Variants in SAMD3 observed in about 807,000 individuals in gnomAD.
SAMD3 encodes the protein sterile alpha motif domain-containing protein 3.
In SAMD3, 63 loss-of-function variants were observed where a neutral mutation model predicts 58.5. That is an observed-to-expected ratio of 1.08 (90% CI 0.88 to 1.33). The LOEUF (loss-of-function observed/expected upper bound fraction) is 1.33, where lower values mean the gene tolerates loss of function less well. Ranked by LOEUF, SAMD3 falls within the 40% of genes most tolerant of loss-of-function variation. The pLI, the probability that SAMD3 is intolerant of heterozygous loss-of-function variation, is 0.00. For missense variants in SAMD3, 604 were observed against 608.4 expected, an observed-to-expected ratio of 0.99 and a Z score of 0.08; for synonymous variants, 220 against 210.3, an observed-to-expected ratio of 1.05 and a Z score of -0.40.
chr6:130,164,656 T>C (rs1452509361), intron 8 of SAMD3, among the ~76,000 whole-genome samples: 1 of 151,996 alleles, frequency 6.6e-6, no homozygotes, highest in Non-Finnish European at 1.5e-5. Flanking sequence ...ATCACACATA[T>C]GACATGCCCA....
At chr6:130,226,446 C>T (rs11968925), upstream of SAMD3, among the ~76,000 whole-genome samples, 1 of 152,110 alleles carries the variant, frequency 6.6e-6, no homozygotes, top group East Asian at 1.9e-4. Context: ...ATGTACAGAG[C>T]CCTATAGGTC....
At chr6:130,298,253 T>C (rs1360701618) in intron 2 of SAMD3, among the ~76,000 whole-genome samples, 1 of 151,968 alleles carries the variant, frequency 6.6e-6, no homozygotes, top group East Asian at 1.9e-4. Flanking sequence ...GAAAAGAAAA[T>C]GCTGCCAAGA....
At chr6:130,299,334 C>T (rs187790249) in intron 2 of SAMD3, among the ~76,000 whole-genome samples, 32 of 152,000 alleles carry the variant, frequency 2.1e-4, no homozygotes, top group East Asian at 1.4e-3. Flanking sequence ...AACAGATGTA[C>T]GTGGAAACTA....
At chr6:130,145,084 A>AC (rs1035476468) in intron 11 of SAMD3, among the ~76,000 whole-genome samples, 15 of 152,084 alleles carry the variant, frequency 9.9e-5, no homozygotes, top group African/African-American at 3.1e-4. Context: ...ACACCGTGAA[A>AC]CCCCGTCTCT....
chr6:130,259,648 G>A (rs1291235230), intron 2 of SAMD3, among the ~76,000 whole-genome samples: 3 of 152,146 alleles, frequency 2.0e-5, no homozygotes, highest in Non-Finnish European at 4.4e-5. Context: ...CGATTTAGAG[G>A]AAAAGGCCTG....
chr6:130,174,165 C>T (rs1791507226), intron 8 of SAMD3, among the ~76,000 whole-genome samples: 1 of 152,162 alleles, frequency 6.6e-6, no homozygotes, highest in Non-Finnish European at 1.5e-5. Context: ...TGGCTTCAGC[C>T]TCTTTTCCAG....
At chr6:130,228,961 C>A (rs755657798) in intron 2 of SAMD3, among the ~76,000 whole-genome samples, 2 of 152,090 alleles carry the variant, frequency 1.3e-5, no homozygotes, top group Non-Finnish European at 1.5e-5. Context: ...AAAGCTTGAG[C>A]CTTAAGGGAA....
At chr6:130,337,731 G>T (rs192337108) in intron 1 of SAMD3, among the ~76,000 whole-genome samples, 1 of 152,304 alleles carries the variant, frequency 6.6e-6, no homozygotes, top group Admixed American at 6.5e-5. Context: ...CTGGAGCAAA[G>T]GTTACTCTTG....
intron 1 of SAMD3, among the ~76,000 whole-genome samples, chr6:130,323,309 C>A (rs1192740823): frequency 6.6e-6 from 1 of 152,186 alleles, no homozygotes; most frequent in South Asian, 2.1e-4. Context: ...ACACTCCTGG[C>A]TTCCCTGTGA....
rs182739147 is a variant in SAMD3, at chr6:130,161,993, G to A, written c.823-6968C>T. 2.8e-4 allele frequency: 95 copies of A among 343,962 alleles called. 1 individual carries two copies. The Middle Eastern group carries it at 3.9e-3, about 14-fold the overall frequency. 21.3% of individuals were successfully genotyped at this position (343,962 alleles called of 1,614,324 possible). ...ATCAAAGAAAGTAGACATGAAGCACGAAAGAGATCACTTCAGGCCAAGAAA... is the reference window on the plus strand; with the variant it reads ...ATCAAAGAAAGTAGACATGAAGCACAAAAGAGATCACTTCAGGCCAAGAAA... On this transcript the variant is annotated intron_variant, in intron 8 of 11. Transcript: ENST00000439090.
chr6:130,365,835 T>A, upstream of SAMD3: 1 of 985,580 alleles, frequency 1.0e-6, no homozygotes, highest in Non-Finnish European at 1.2e-6. Context: ...GCAGATCCTG[T>A]CTGCGTCCTC....
At chr6:130,153,636 C>T (rs1582727455) in intron 9 of SAMD3, among the ~76,000 whole-genome samples, 1 of 73,900 alleles carries the variant, frequency 1.4e-5, no homozygotes, top group East Asian at 3.9e-4. Flanking sequence ...ATTGATTTAC[C>T]CATTAAATTT....
chr6:130,180,614 TG>T (rs1246218877), intron 7 of SAMD3, among the ~76,000 whole-genome samples: 1 of 152,038 alleles, frequency 6.6e-6, no homozygotes, highest in Non-Finnish European at 1.5e-5. Context: ...TCCCTCCCCT[TG>T]TTTGGTTTTG....
intron 2 of SAMD3, among the ~76,000 whole-genome samples, chr6:130,278,228 A>G (rs895768569): frequency 6.6e-6 from 1 of 152,116 alleles, no homozygotes; most frequent in African/African-American, 2.4e-5. Flanking sequence ...TCGACTCCCT[A>G]TGATTTCATC....
At chr6:130,161,713 G>C (rs530346125) in intron 8 of SAMD3, 1 of 152,328 alleles carries the variant, frequency 6.6e-6, no homozygotes, top group Non-Finnish European at 1.5e-5. Context: ...CTTTACTGAT[G>C]GGCAAATTGA....
chr6:130,206,679 G>A (rs982414772), intron 5 of SAMD3, among the ~76,000 whole-genome samples: 1 of 152,208 alleles, frequency 6.6e-6, no homozygotes, highest in African/African-American at 2.4e-5. Context: ...AAACAGATAA[G>A]TAAAGGGCTT....
chr6:130,328,738 A>G (rs1776833553), intron 1 of SAMD3, among the ~76,000 whole-genome samples: 1 of 152,186 alleles, frequency 6.6e-6, no homozygotes. Flanking sequence ...AAAGCCTTCC[A>G]TTTGTTCTAG....
At chr6:130,342,637 T>C (rs1272149479) in intron 1 of SAMD3, among the ~76,000 whole-genome samples, 1 of 152,176 alleles carries the variant, frequency 6.6e-6, no homozygotes, top group African/African-American at 2.4e-5. Flanking sequence ...CCTCTTTTTC[T>C]TTAATTATAA....
chr6:130,209,742 C>A, intron 4 of SAMD3, 134 bp from the exon 5 acceptor site: 1 of 551,342 alleles, frequency 1.8e-6, no homozygotes, highest in Non-Finnish European at 3.2e-6. Context: ...ACGTTAGACT[C>A]ATGACTAAGA....
Sources: gnomAD v4.1 joint callset for allele counts (sites outside exome capture counted in the v4.1 genomes callset) on GRCh38, gnomAD v4.1.1 for gene constraint, MANE v1.5 for transcripts, NCBI Gene and HGNC (gene_info 2026-07-23, HGNC 2026-07-21) for gene names.